The following CFAP299 variants were observed in gnomAD, a reference collection of about 807,000 sequenced individuals.
CFAP299 encodes the protein cilia- and flagella-associated protein 299.
CFAP299 carries 21 observed loss-of-function variants against 27.0 expected under a neutral mutation model. That is an observed-to-expected ratio of 0.78 (90% CI 0.55 to 1.12). The LOEUF (loss-of-function observed/expected upper bound fraction) is 1.12, where lower values mean the gene tolerates loss of function less well. CFAP299 is among the 50% of genes most tolerant of loss of function. The pLI is 0.00. For missense variants in CFAP299, 310 were observed against 276.6 expected (o/e 1.12, Z -0.86); for synonymous variants, 104 against 98.1 (o/e 1.06, Z -0.36).
intron 4 of CFAP299, among the ~76,000 whole-genome samples, chr4:80,907,952 G>A (rs1735267107): frequency 6.6e-6 from 1 of 152,118 alleles, no homozygotes; most frequent in African/African-American, 2.4e-5. Flanking sequence ...CCCTTCTTTG[G>A]ATGGAAGAAC....
Position 80,880,653 on chromosome 4 carries a change from G to A in CFAP299, c.476+10518G>A, listed in dbSNP as rs542539533. ...AGGCAGGAGAATCACTTGAACCCAG[G>A]AGGCGGAGGTTGCAGTGCGCCAAGA... On this transcript the variant is annotated intron_variant, in intron 4 of 5. Coordinates refer to ENST00000358105, the MANE Select transcript of CFAP299 (RefSeq NM_152770.3). Among the ~76,000 whole-genome samples, 27 of 152,256 alleles carry A rather than the reference G, an allele frequency of 1.8e-4. No homozygotes were observed. The East Asian group carries it at 4.2e-3, about 24-fold the overall frequency.
At chr4:80,959,546 A>C (rs902743443) in intron 5 of CFAP299, among the ~76,000 whole-genome samples, 4 of 152,096 alleles carry the variant, frequency 2.6e-5, no homozygotes, top group Non-Finnish European at 4.4e-5. Flanking sequence ...AAAGCATATA[A>C]AATTTCTGAA....
At chr4:80,674,162 G>A (rs1437328911) in intron 3 of CFAP299, among the ~76,000 whole-genome samples, 2 of 152,284 alleles carry the variant, frequency 1.3e-5, no homozygotes, top group African/African-American at 2.4e-5. Flanking sequence ...GCTGGTACTG[G>A]TGTTTACTTT....
At chr4:80,624,825 G>A (rs1393793941) in intron 3 of CFAP299, among the ~76,000 whole-genome samples, 1 of 152,080 alleles carries the variant, frequency 6.6e-6, no homozygotes, top group African/African-American at 2.4e-5. Context: ...GGAGAGAAGA[G>A]GTTGATAAAT....
chr4:80,832,129 T>C (rs1463942809), intron 3 of CFAP299, among the ~76,000 whole-genome samples: 1 of 152,152 alleles, frequency 6.6e-6, no homozygotes, highest in Non-Finnish European at 1.5e-5. Context: ...TCTTGTGTAA[T>C]GCCCAGGAAC....
chr4:80,748,208 A>G (rs1724731443), intron 3 of CFAP299, among the ~76,000 whole-genome samples: 1 of 152,138 alleles, frequency 6.6e-6, no homozygotes, highest in Non-Finnish European at 1.5e-5. Context: ...ACACATGACT[A>G]TATTTGTCTT....
At chr4:80,483,443 C>A (rs1381502336) in intron 2 of CFAP299, among the ~76,000 whole-genome samples, 3 of 152,034 alleles carry the variant, frequency 2.0e-5, no homozygotes, top group African/African-American at 2.4e-5. Context: ...ATTTTTCATT[C>A]TTATCATTGG....
intron 2 of CFAP299, chr4:80,388,417 C>G (rs772810630): frequency 7.8e-6 from 6 of 767,532 alleles, no homozygotes; most frequent in Admixed American, 3.8e-5. Context: ...TGGGTGCTGC[C>G]GAAGGTGTGT....
At chr4:80,419,558 T>G (rs956276059) in intron 2 of CFAP299, among the ~76,000 whole-genome samples, 2 of 152,212 alleles carry the variant, frequency 1.3e-5, no homozygotes, top group African/African-American at 4.8e-5. Flanking sequence ...TTTTTCTACC[T>G]ATTGGAAGCC....
chr4:80,659,917 C>G (rs980414231), intron 3 of CFAP299, among the ~76,000 whole-genome samples: 1 of 151,796 alleles, frequency 6.6e-6, no homozygotes, highest in Non-Finnish European at 1.5e-5. Flanking sequence ...ATTATTCAAC[C>G]CTTAGTAAAA....
At chr4:80,527,876 C>A (rs13111397) in intron 2 of CFAP299, among the ~76,000 whole-genome samples, 1 of 151,964 alleles carries the variant, frequency 6.6e-6, no homozygotes, top group East Asian at 1.9e-4. Flanking sequence ...TAGTCTCCTC[C>A]GACCTTGATG....
intron 2 of CFAP299, among the ~76,000 whole-genome samples, chr4:80,389,382 G>C (rs1029092327): frequency 1.3e-5 from 2 of 152,040 alleles, no homozygotes; most frequent in African/African-American, 4.8e-5. Context: ...AGAGTCTAAG[G>C]ATTTATTAAA....
chr4:80,660,717 G>T (rs966371792), intron 3 of CFAP299, among the ~76,000 whole-genome samples: 1 of 152,100 alleles, frequency 6.6e-6, no homozygotes, highest in African/African-American at 2.4e-5. Flanking sequence ...GCAACAGGAG[G>T]CTTCAGAAAT....
chr4:80,793,032 T>G (rs961037229), intron 3 of CFAP299, among the ~76,000 whole-genome samples: 1 of 151,970 alleles, frequency 6.6e-6, no homozygotes, highest in Non-Finnish European at 1.5e-5. Context: ...ATAAATGAAA[T>G]TTTAAAGTAC....
At chr4:80,408,091 C>A (rs1359781070) in intron 2 of CFAP299, among the ~76,000 whole-genome samples, 1 of 152,122 alleles carries the variant, frequency 6.6e-6, no homozygotes, top group Non-Finnish European at 1.5e-5. Context: ...CCATGGTGAA[C>A]AGTACTGCCA....
At position 80,669,141 on chromosome 4, in the gene CFAP299, CTTTCTTTCTTTTTTTT is replaced by C. The variant is rs1577996590; in HGVS notation, c.333+85962_333+85977del. Among the ~76,000 whole-genome samples the C allele has an allele frequency of 2.0e-4, 6 of 30,722 alleles. No homozygotes were observed. The East Asian group carries it at 6.1e-3, about 31-fold the overall frequency. 20.2% of individuals were successfully genotyped at this position (30,722 alleles called of 152,430 possible). A position where few individuals can be genotyped will look rare whatever the true frequency, so the allele number is the denominator to read the frequency against. ...TTTCTTTTCTTTTCTGTCTTTCTTTCTTTCTTTCTTTTTTTTTTTTTTTTTTTTTTTTTTTTTGAGA... is the reference window on the plus strand; with the variant it reads ...TTTCTTTTCTTTTCTGTCTTTCTTTCTTTTTTTTTTTTTTTTTTTTTGAGA... On this transcript the variant is annotated intron_variant, in intron 3 of 5. Coordinates refer to ENST00000358105, the MANE Select transcript of CFAP299 (RefSeq NM_152770.3).
chr4:80,700,049 T>C (rs539626821), intron 3 of CFAP299, among the ~76,000 whole-genome samples: 2 of 152,230 alleles, frequency 1.3e-5, no homozygotes, highest in East Asian at 3.9e-4. Flanking sequence ...AAATTGTACT[T>C]AAAAAGAACA....
intron 2 of CFAP299, among the ~76,000 whole-genome samples, chr4:80,478,756 G>C (rs1730408482): frequency 6.7e-6 from 1 of 150,372 alleles, no homozygotes; most frequent in Non-Finnish European, 1.5e-5. Context: ...ATACTTTGCT[G>C]TGAAAGACAT....
chr4:80,517,519 T>C (rs1005560247), intron 2 of CFAP299, among the ~76,000 whole-genome samples: 3 of 152,204 alleles, frequency 2.0e-5, no homozygotes, highest in Non-Finnish European at 4.4e-5. Context: ...GGGAATTCTA[T>C]TGGCTTAATT....
Sources: allele counts gnomAD v4.1 joint callset (sites outside exome capture counted in the v4.1 genomes callset), GRCh38; gene constraint gnomAD v4.1.1; transcripts MANE v1.5; gene names NCBI Gene and HGNC (gene_info 2026-07-23, HGNC 2026-07-21).